The following TDRD7 variants were observed in gnomAD, a reference collection of about 807,000 sequenced individuals.
The protein encoded by TDRD7 is tudor domain containing 7.
In TDRD7, 47 loss-of-function variants were observed where a neutral mutation model predicts 109.8. The ratio of observed to expected loss-of-function variants is 0.43; its 90% CI spans 0.34 to 0.55. The LOEUF is 0.55. Among genes scored for constraint, TDRD7 ranks in the 20% least tolerant of loss-of-function variants. The probability of loss-of-function intolerance (pLI) is 0.03; values close to 1 mark genes in which losing one functional copy is unlikely to be tolerated. For missense variants in TDRD7, 1,164 were observed against 1,319.2 expected (o/e 0.88, Z 1.82); for synonymous variants, 424 against 457.3 (o/e 0.93, Z 0.93).
chr9:97,427,988 C>T (rs757221003), intron 1 of TDRD7, among the ~76,000 whole-genome samples: 1 of 152,158 alleles, frequency 6.6e-6, no homozygotes, highest in Non-Finnish European at 1.5e-5. Flanking sequence ...GGGTCTGCCC[C>T]TCCCTGGCCC....
chr9:97,423,269 A>G (rs1026332681), intron 1 of TDRD7, among the ~76,000 whole-genome samples: 14 of 152,162 alleles, frequency 9.2e-5, no homozygotes, highest in Non-Finnish European at 1.3e-4. Context: ...GTGTCTTTCA[A>G]TAAATTTATC....
chr9:97,487,415 T>C (rs1829230155), intron 16 of TDRD7, 83 bp downstream of exon 16: 5 of 1,584,624 alleles, frequency 3.2e-6, no homozygotes, highest in Non-Finnish European at 4.3e-6. Flanking sequence ...TACTGAATCA[T>C]TGGCCTCTTG....
intron 5 of TDRD7, among the ~76,000 whole-genome samples, chr9:97,439,944 A>G (rs1450678268): frequency 6.6e-6 from 1 of 152,154 alleles, no homozygotes; most frequent in Non-Finnish European, 1.5e-5. Context: ...AGACCCACCC[A>G]GGGAGACAGT....
chr9:97,459,199 A>G (rs1015736073), intron 6 of TDRD7, among the ~76,000 whole-genome samples: 11 of 152,258 alleles, frequency 7.2e-5, no homozygotes, highest in African/African-American at 2.2e-4. Flanking sequence ...TAACAGATGC[A>G]GTCCATCACA....
Position 97,451,089 on chromosome 9 carries a change from A to G in TDRD7, c.856-9089A>G, listed in dbSNP as rs79516124. Among the ~76,000 whole-genome samples, 1,253 of 152,004 alleles carry G rather than the reference A, an allele frequency of 8.2e-3. 44 individuals are homozygous for G. In the East Asian group the frequency reaches 0.11, roughly 13 times the overall value. On this transcript the variant is annotated intron_variant, in intron 6 of 16. Transcript: ENST00000355295. ...TCGCCAGTGGCCAATGACTTAACCA[A>G]TCATGCCTGCGGAATGATGCCTCCC...
At chr9:97,459,218 A>T (rs576472371) in intron 6 of TDRD7, among the ~76,000 whole-genome samples, 1 of 152,230 alleles carries the variant, frequency 6.6e-6, no homozygotes, top group Non-Finnish European at 1.5e-5. Flanking sequence ...CAGTTATTCA[A>T]CTGTGTCACT....
At chr9:97,441,218 T>A (rs1214385938) in intron 5 of TDRD7, among the ~76,000 whole-genome samples, 1 of 152,174 alleles carries the variant, frequency 6.6e-6, no homozygotes, top group Non-Finnish European at 1.5e-5. Context: ...TAGTATAAGA[T>A]CAAAAAGTTA....
chr9:97,478,517 G>C lies in TDRD7; in HGVS notation c.2245G>C (p.Glu749Gln). 1 of 1,614,024 alleles carries C rather than the reference G, an allele frequency of 6.2e-7. No homozygotes were observed. The highest frequency in any genetic ancestry group is 1.1e-5 in the South Asian group (1 of 91,076). ...SGTVTSVKVS[E>Q]LREIPPRFLQ... ...CACTGTGACATCTGTAAAAGTGTCAGAGCTCAGGGAAATTCCACCTCGGTT... is the reference window on the plus strand; with the variant it reads ...CACTGTGACATCTGTAAAAGTGTCACAGCTCAGGGAAATTCCACCTCGGTT... The change falls in exon 13 of 17, where the codon GAG becomes CAG. Residue 749 changes from glutamate (E) to glutamine (Q), a missense_variant. Around this residue, in one of 5 missense-constraint regions of TDRD7, gnomAD observed 233 missense variants for 218.0 expected, o/e 1.07. Transcript: ENST00000355295.
intron 1 of TDRD7, among the ~76,000 whole-genome samples, chr9:97,422,220 C>T (rs933186712): frequency 2.0e-5 from 3 of 152,110 alleles, no homozygotes; most frequent in Non-Finnish European, 4.4e-5. Context: ...TGGCAAAACC[C>T]TGTCTCTACT....
At chr9:97,488,918 T>C (rs1829257739) in intron 16 of TDRD7, among the ~76,000 whole-genome samples, 1 of 152,260 alleles carries the variant, frequency 6.6e-6, no homozygotes, top group African/African-American at 2.4e-5. Flanking sequence ...CCATGTGTTA[T>C]TTAGAACTGT....
chr9:97,436,819 G>A (rs1481513137), intron 4 of TDRD7, among the ~76,000 whole-genome samples: 1 of 152,010 alleles, frequency 6.6e-6, no homozygotes, highest in East Asian at 1.9e-4. Context: ...TTCTTTCTCT[G>A]CTGGTTTGTA....
intron 6 of TDRD7, among the ~76,000 whole-genome samples, chr9:97,450,737 G>A (rs757704106): frequency 6.6e-6 from 1 of 152,134 alleles, no homozygotes. Context: ...GGCACTTTTT[G>A]TAGATGACAG....
At position 97,487,250 on chromosome 9, in the gene TDRD7, A is replaced by G; in HGVS notation, c.2994A>G (p.Glu998=). 1 of 1,614,044 alleles carries G rather than the reference A, an allele frequency of 6.2e-7. No individual in the cohort carries two copies. The highest frequency in any genetic ancestry group is 1.7e-4 in the Middle Eastern group (1 of 6,060). The change falls in exon 16 of 17, where the codon GAA becomes GAG. Residue 998 remains glutamate, a synonymous_variant. Coordinates refer to ENST00000355295, the MANE Select transcript of TDRD7 (RefSeq NM_014290.3). The part of the protein sequence containing the change: ...SVYELDYGKH[E]LVNIRKVQPL... Reference sequence around the variant, plus strand: ...ATGAGCTGGATTATGGCAAACACGAATTAGTCAACATAAGAAAAGTACAGC... The same window carrying G: ...ATGAGCTGGATTATGGCAAACACGAGTTAGTCAACATAAGAAAAGTACAGC...
intron 1 of TDRD7, among the ~76,000 whole-genome samples, chr9:97,422,508 C>G (rs565432609): frequency 6.6e-6 from 1 of 152,230 alleles, no homozygotes; most frequent in East Asian, 1.9e-4. Context: ...ACTAATATAG[C>G]TTTATAGTAA....
chr9:97,493,723 C>T (rs1003360193), intron 16 of TDRD7, among the ~76,000 whole-genome samples: 5 of 152,138 alleles, frequency 3.3e-5, no homozygotes, highest in African/African-American at 4.8e-5. Flanking sequence ...CCATAAAAGA[C>T]GGCCGCACCC....
At chr9:97,479,573 G>A (rs766636201) in intron 13 of TDRD7, among the ~76,000 whole-genome samples, 10 of 151,792 alleles carry the variant, frequency 6.6e-5, no homozygotes, top group South Asian at 2.1e-4. Flanking sequence ...TCATAATCTT[G>A]TGTAGGTTTA....
chr9:97,465,464 G>A (rs939264597), intron 8 of TDRD7, among the ~76,000 whole-genome samples: 3 of 152,136 alleles, frequency 2.0e-5, no homozygotes, highest in African/African-American at 7.2e-5. Context: ...TGCTCCCAGC[G>A]TAGCCCTCTC....
intron 6 of TDRD7, among the ~76,000 whole-genome samples, chr9:97,453,184 G>A (rs1828530533): frequency 6.6e-6 from 1 of 152,200 alleles, no homozygotes; most frequent in South Asian, 2.1e-4. Context: ...TTCAGAGAAA[G>A]TATTGAGATT....
chr9:97,482,156 AAG>A (rs1348174690), intron 14 of TDRD7, among the ~76,000 whole-genome samples: 1 of 152,220 alleles, frequency 6.6e-6, no homozygotes, highest in Non-Finnish European at 1.5e-5. Flanking sequence ...CTCTGGCCGA[AAG>A]AGCAAAGATG....
Sources: allele counts gnomAD v4.1 joint callset (sites outside exome capture counted in the v4.1 genomes callset), GRCh38; gene constraint gnomAD v4.1.1; regional missense constraint gnomAD v4.1.1; transcripts MANE v1.5; gene names NCBI Gene and HGNC (gene_info 2026-07-23, HGNC 2026-07-21).